The following PTGIR variants were observed in gnomAD, a reference collection of about 807,000 sequenced individuals.
PTGIR encodes prostacyclin receptor.
Under a neutral mutation model 17.6 loss-of-function variants are expected in PTGIR, and 16 were observed. The observed-to-expected ratio is 0.91, with a 90% CI of 0.61 to 1.38. The LOEUF (loss-of-function observed/expected upper bound fraction) is 1.38. PTGIR is among the 40% of genes most tolerant of loss of function. The pLI, the probability that PTGIR is intolerant of heterozygous loss-of-function variation, is 0.00. For missense variants in PTGIR, 532 were observed against 548.6 expected (o/e 0.97, Z 0.30); for synonymous variants, 274 against 255.4 (o/e 1.07, Z -0.69).
At chr19:46,619,526 A>G (rs1454685471), downstream of PTGIR, among the ~76,000 whole-genome samples, 145 of 53,282 alleles carry the variant, frequency 2.7e-3, 1 homozygote, top group African/African-American at 0.012. Context: ...AGAAAGAAAG[A>G]AAGAAAGAAA....
chr19:46,621,721 C>T lies in PTGIR; in HGVS notation c.769-49G>A, dbSNP rs140897809. 1.8e-5 allele frequency: 28 copies of T among 1,559,870 alleles called. No homozygotes were observed. In the Admixed American group the frequency reaches 1.8e-4, roughly 10 times the overall value. On this transcript the variant is annotated intron_variant, in intron 2 of 2. Coordinates refer to ENST00000291294, the MANE Select transcript of PTGIR (RefSeq NM_000960.4). The surrounding 1 kb of genome is among the most constrained non-coding windows in gnomAD (Gnocchi z 4.8). ...AGGAGCACCCAGGAGTCCTCAGCCTCCCCACCCTGGCTCCCTCCTCCCACT... is the reference window on the plus strand; with the variant it reads ...AGGAGCACCCAGGAGTCCTCAGCCTTCCCACCCTGGCTCCCTCCTCCCACT...
downstream of PTGIR, among the ~76,000 whole-genome samples, chr19:46,619,414 G>A (rs57848713): frequency 0.31 from 46,738 of 150,754 alleles, 7,564 homozygotes; most frequent in Middle Eastern, 0.43. Context: ...GGAATCACTT[G>A]AACCCGGGAG....
At position 46,621,922 on chromosome 19, in the gene PTGIR, G is replaced by A; in HGVS notation, c.769-250C>T. ...GTGGGTCCCCCCACCCTTGGAAGCTGGGAGGACCCTCGGGCTCCACAGATT... is the reference window on the plus strand; with the variant it reads ...GTGGGTCCCCCCACCCTTGGAAGCTAGGAGGACCCTCGGGCTCCACAGATT... On this transcript the variant is annotated intron_variant, in intron 2 of 2. Transcript: ENST00000291294. The surrounding 1 kb of genome is among the most constrained non-coding windows in gnomAD (Gnocchi z 4.8). The A allele has an allele frequency of 1.5e-6, 2 of 1,297,988 alleles. No homozygotes were observed. Among genetic ancestry groups the A allele is most frequent in the Non-Finnish European group, 2.0e-6 (2 of 1,024,234 alleles). 80.4% of individuals were successfully genotyped at this position (1,297,988 alleles called of 1,614,324 possible).
At chr19:46,620,256 C>T (rs922965506), downstream of PTGIR, among the ~76,000 whole-genome samples, 2 of 152,098 alleles carry the variant, frequency 1.3e-5, no homozygotes, top group East Asian at 3.9e-4. Flanking sequence ...TGCACCACCA[C>T]GCCCAGCTAA....
At chr19:46,624,523 C>G in intron 1 of PTGIR, 1 of 290,896 alleles carries the variant, frequency 3.4e-6, no homozygotes, top group Non-Finnish European at 6.4e-6. Flanking sequence ...GGCATGATCT[C>G]GGCTCACTGC....
chr19:46,619,001 G>A (rs1156742663), downstream of PTGIR, among the ~76,000 whole-genome samples: 1 of 152,164 alleles, frequency 6.6e-6, no homozygotes, highest in African/African-American at 2.4e-5. Flanking sequence ...TTTATTCCAA[G>A]CCCTGAGCTA....
chr19:46,623,749 G>T lies in PTGIR; in HGVS notation c.477C>A (p.Gly159=). ...TGCCGGGGCAGTACTGCTGGTGTTG[G>T]CCCAGGCCCAGCAGGGGCAGCGCGC... ...LFCALPLLGL[G]QHQQYCPGSW... Residue 159 remains glycine, a synonymous_variant, in exon 2 of 3, where the codon GGC becomes GGA. Transcript: ENST00000291294. 2 of 1,599,034 alleles carry T rather than the reference G, an allele frequency of 1.3e-6. No individual in the cohort carries two copies. Among genetic ancestry groups the T allele is most frequent in the Non-Finnish European group, 8.5e-7 (1 of 1,175,816 alleles).
At chr19:46,618,353 T>C (rs1390024336), downstream of PTGIR, among the ~76,000 whole-genome samples, 1 of 152,182 alleles carries the variant, frequency 6.6e-6, no homozygotes, top group Admixed American at 6.5e-5. Flanking sequence ...TTTCACCATG[T>C]TGGCCAGGCT....
downstream of PTGIR, among the ~76,000 whole-genome samples, chr19:46,616,173 T>A (rs1971958876): frequency 6.6e-6 from 1 of 152,050 alleles, no homozygotes; most frequent in Admixed American, 6.6e-5. Flanking sequence ...CAAGGCTATG[T>A]CAGTCACCAC....
chr19:46,614,272 AC>A, the PTGIR span: 1 of 690,402 alleles, frequency 1.4e-6, no homozygotes, highest in Non-Finnish European at 1.8e-6. Flanking sequence ...CTCTGGGGCC[AC>A]TCCTGAGTGT....
chr19:46,611,360 A>G, the PTGIR span, among the ~76,000 whole-genome samples: 1 of 151,886 alleles, frequency 6.6e-6, no homozygotes, highest in East Asian at 1.9e-4. Flanking sequence ...TGCTTTGGGG[A>G]GAGGGGTGGC....
At chr19:46,615,691 A>T (rs2122291638), downstream of PTGIR, among the ~76,000 whole-genome samples, 1 of 151,374 alleles carries the variant, frequency 6.6e-6, no homozygotes, top group East Asian at 1.9e-4. Flanking sequence ...TATTTTTAGT[A>T]GAGACGGGGT....
downstream of PTGIR, among the ~76,000 whole-genome samples, chr19:46,618,215 T>C (rs1423322245): frequency 1.3e-5 from 2 of 152,056 alleles, no homozygotes; most frequent in Admixed American, 6.6e-5. Context: ...AGGGTTTCAC[T>C]GTGTTAACCA....
In PTGIR at chr19:46,621,147, G is replaced by A; in HGVS notation, c.*133C>T. On this transcript the variant is annotated 3_prime_UTR_variant, in exon 3 of 3. Transcript: ENST00000291294. The surrounding 1 kb of genome is among the most constrained non-coding windows in gnomAD (Gnocchi z 4.8). ...GCCAGCAGCGACTGCCCTGCCGCAG[G>A]AGAAACAGCAGCTGATCGGCCCCAG... The A allele has an allele frequency of 1.5e-6, 2 of 1,379,172 alleles. No homozygotes were observed. The highest frequency in any genetic ancestry group is 1.9e-6 in the Non-Finnish European group (2 of 1,063,388). 85.4% of individuals were successfully genotyped at this position (1,379,172 alleles called of 1,614,324 possible). A position where few individuals can be genotyped will look rare whatever the true frequency, so the allele number is the denominator to read the frequency against.
downstream of PTGIR, among the ~76,000 whole-genome samples, chr19:46,619,527 AAGAAAGAAAGAAAGAAAGAAAGAGAG>A (rs1243988971): frequency 2.7e-4 from 15 of 55,412 alleles, no homozygotes; most frequent in African/African-American, 1.2e-3. Context: ...GAAAGAAAGA[AAGAAAGAAAGAAAGAAAGAAAGAGAG>A]AGAGAGAGAG....
chr19:46,617,577 G>A (rs1319749810), downstream of PTGIR, among the ~76,000 whole-genome samples: 1 of 152,174 alleles, frequency 6.6e-6, no homozygotes, highest in Non-Finnish European at 1.5e-5. Flanking sequence ...CCCACCGCAG[G>A]CAAGGATGCT....
rs766851386 is a variant in PTGIR at position 46,623,950 on chromosome 19, G to A, written c.276C>T (p.Cys92=). 16 of 1,590,874 alleles carry A rather than the reference G, an allele frequency of 1.0e-5. No individual in the cohort carries two copies. The Admixed American group carries it at 2.1e-4, about 21-fold the overall frequency. ...AGGTCATGGCGAAGGCGAAGGCATCGCACAGGGCGGGGCCGCCTCGGGCCA... is the reference window on the plus strand; with the variant it reads ...AGGTCATGGCGAAGGCGAAGGCATCACACAGGGCGGGGCCGCCTCGGGCCA... ...LGLARGGPAL[C]DAFAFAMTFF... The change falls in exon 2 of 3, where the codon TGC becomes TGT. Residue 92 remains cysteine (C), a synonymous_variant. Transcript: ENST00000291294.
In PTGIR at chr19:46,621,510, A is replaced by C. The variant is rs2052727675; in HGVS notation, c.931T>G (p.Cys311Gly). ...GAGTCTCCGTGGGCAGGCCCGAGGC[A>C]CAGGCAGCAGACCCAGAGCTTGAGT... Reference protein sequence around the residue: ...QRLKLWVCCLCLGPAHGDSQT... With the variant: ...QRLKLWVCCLGLGPAHGDSQT... Residue 311 changes from cysteine to glycine, a missense_variant, in exon 3 of 3, where the codon TGC (cysteine) becomes GGC (glycine). By Grantham distance (159) the Cys-to-Gly change is radical. Coordinates refer to ENST00000291294, the MANE Select transcript of PTGIR (RefSeq NM_000960.4). This position sits in a 1 kb window ranked among gnomAD's most constrained non-coding sequence, Gnocchi z 4.8. The C allele has an allele frequency of 6.2e-7, 1 of 1,614,078 alleles. No homozygotes were observed. Among genetic ancestry groups the C allele is most frequent in the Non-Finnish European group, 8.5e-7 (1 of 1,180,048 alleles).
At chr19:46,611,974 C>A in the PTGIR span, among the ~76,000 whole-genome samples, 1 of 152,230 alleles carries the variant, frequency 6.6e-6, no homozygotes, top group African/African-American at 2.4e-5. Context: ...AATCCCAGGG[C>A]CCTCCTTGTG....
Sources: allele counts gnomAD v4.1 joint callset (sites outside exome capture counted in the v4.1 genomes callset), GRCh38; gene constraint gnomAD v4.1.1; non-coding constraint Gnocchi (gnomAD v3.1); transcripts MANE v1.5; gene names NCBI Gene and HGNC (gene_info 2026-07-23, HGNC 2026-07-21).